Variants in PPP1R12B observed in about 807,000 individuals in gnomAD.
PPP1R12B encodes myosin phosphatase target subunit 2.
A neutral mutation model predicts 126.1 loss-of-function variants in PPP1R12B; 76 were observed. The observed-to-expected ratio is 0.60, with a 90% CI of 0.50 to 0.73. The LOEUF (loss-of-function observed/expected upper bound fraction) is 0.73, where lower values mean the gene tolerates loss of function less well. Among genes scored for constraint, PPP1R12B ranks in the 30% least tolerant of loss-of-function variants. The pLI is 0.00. For synonymous variants in PPP1R12B, 356 were observed against 434.7 expected (o/e 0.82, Z 2.25); for missense variants, 1,052 against 1,205.1 (o/e 0.87, Z 1.88).
chr1:202,510,897 AATATAAT>A (rs1366334087), intron 18 of PPP1R12B, among the ~76,000 whole-genome samples: 1 of 146,794 alleles, frequency 6.8e-6, no homozygotes, highest in African/African-American at 2.5e-5. Context: ...TATTTATACT[AATATAAT>A]ATATAATATA....
At chr1:202,395,051 AG>A in intron 1 of PPP1R12B, among the ~76,000 whole-genome samples, 1 of 132,592 alleles carries the variant, frequency 7.5e-6, no homozygotes, top group African/African-American at 2.8e-5. Context: ...TGGGAGGCAG[AG>A]GTTGTATTGA....
chr1:202,477,816 T>C (rs1358590065), intron 13 of PPP1R12B, among the ~76,000 whole-genome samples: 1 of 152,218 alleles, frequency 6.6e-6, no homozygotes, highest in Non-Finnish European at 1.5e-5. Context: ...ATGCCACTGA[T>C]GGTGTAATCT....
chr1:202,543,278 G>A (rs1685302534), intron 18 of PPP1R12B, among the ~76,000 whole-genome samples: 1 of 152,066 alleles, frequency 6.6e-6, no homozygotes, highest in Non-Finnish European at 1.5e-5. Context: ...ACTCGTAACA[G>A]CAGCTGATGA....
chr1:202,356,611 G>A (rs576112201), intron 1 of PPP1R12B, among the ~76,000 whole-genome samples: 85 of 152,244 alleles, frequency 5.6e-4, no homozygotes, highest in Non-Finnish European at 1.1e-3. Context: ...ATCCATATAA[G>A]ACAGGCAAGA....
Position 202,422,616 on chromosome 1 carries a change from G to C in PPP1R12B, c.423-4G>C. On this transcript the variant is annotated splice_region_variant and splice_polypyrimidine_tract_variant and intron_variant, in intron 2 of 23. Transcript: ENST00000608999. Reference sequence around the variant, plus strand: ...AATATTGATCCTGGATCTTGTCTACGCAGGTATTTCATTAATCACGGAGCC... The same window carrying C: ...AATATTGATCCTGGATCTTGTCTACCCAGGTATTTCATTAATCACGGAGCC... The C allele has an allele frequency of 6.2e-7, 1 of 1,612,088 alleles. No individual in the cohort carries two copies. Among genetic ancestry groups the C allele is most frequent in the Non-Finnish European group, 8.5e-7 (1 of 1,178,352 alleles).
At chr1:202,479,467 T>C (rs1248430535) in intron 13 of PPP1R12B, among the ~76,000 whole-genome samples, 1 of 152,182 alleles carries the variant, frequency 6.6e-6, no homozygotes, top group Non-Finnish European at 1.5e-5. Context: ...CCCCTTGAGG[T>C]ATTTGCTGAT....
chr1:202,572,983 TACTCACTTG>T (rs1191530993), intron 23 of PPP1R12B, among the ~76,000 whole-genome samples: 1 of 152,236 alleles, frequency 6.6e-6, no homozygotes, highest in Non-Finnish European at 1.5e-5. Context: ...GATCTGCTTA[TACTCACTTG>T]TCAGATTGAG....
chr1:202,551,180 T>G (rs1029383007), intron 18 of PPP1R12B, among the ~76,000 whole-genome samples: 7 of 152,240 alleles, frequency 4.6e-5, no homozygotes, highest in African/African-American at 1.2e-4. Context: ...ATCTGGCATA[T>G]GAGATTTTTC....
At chr1:202,440,818 C>T (rs374621061) in intron 11 of PPP1R12B, 30 bp downstream of exon 11, 2 of 1,564,788 alleles carry the variant, frequency 1.3e-6, no homozygotes, top group African/African-American at 1.4e-5. Flanking sequence ...AAAGATGGTC[C>T]TCATCCTCTT....
At chr1:202,550,866 A>T (rs540583777) in intron 18 of PPP1R12B, among the ~76,000 whole-genome samples, 3 of 152,368 alleles carry the variant, frequency 2.0e-5, no homozygotes, top group Admixed American at 2.0e-4. Flanking sequence ...TAGGTATTTT[A>T]TGGAGGCCTT....
chr1:202,481,510 AT>A (rs912877392), intron 13 of PPP1R12B, among the ~76,000 whole-genome samples: 2 of 150,646 alleles, frequency 1.3e-5, no homozygotes, highest in Non-Finnish European at 3.0e-5. Context: ...CACTCTTCTA[AT>A]TTTTTGTTTT....
intron 1 of PPP1R12B, among the ~76,000 whole-genome samples, chr1:202,356,602 TC>T (rs1160017079): frequency 6.6e-6 from 1 of 152,074 alleles, no homozygotes; most frequent in African/African-American, 2.4e-5. Flanking sequence ...ATCACAAGCA[TC>T]CATATAAGAC....
At chr1:202,442,206 A>C (rs1276207391) in intron 11 of PPP1R12B, among the ~76,000 whole-genome samples, 2 of 152,184 alleles carry the variant, frequency 1.3e-5, no homozygotes, top group East Asian at 3.8e-4. Context: ...AGGGTTAGAG[A>C]CCTTTGACAT....
chr1:202,388,329 GCACGCCAC>G (rs996973752), intron 1 of PPP1R12B, among the ~76,000 whole-genome samples: 5 of 152,014 alleles, frequency 3.3e-5, no homozygotes, highest in Non-Finnish European at 7.4e-5. Context: ...GACTGCAGGC[GCACGCCAC>G]CACTAATTTT....
chr1:202,468,511 CATTTTAT>C, intron 13 of PPP1R12B, among the ~76,000 whole-genome samples: 1 of 152,202 alleles, frequency 6.6e-6, no homozygotes, highest in Non-Finnish European at 1.5e-5. Flanking sequence ...CCCCTTGCAA[CATTTTAT>C]TCCTGATACT....
At chr1:202,555,650 C>T (rs755587695) in intron 18 of PPP1R12B, among the ~76,000 whole-genome samples, 10 of 152,086 alleles carry the variant, frequency 6.6e-5, no homozygotes, top group Non-Finnish European at 1.3e-4. Flanking sequence ...GGTCATTTTT[C>T]CATACCTAAG....
chr1:202,580,730 C>T lies in PPP1R12B; in HGVS notation c.*170C>T, dbSNP rs1220903627. The T allele has an allele frequency of 8.5e-6, 5 of 589,340 alleles. No individual in the cohort carries two copies. Among genetic ancestry groups the T allele is most frequent in the African/African-American group, 1.9e-5 (1 of 53,560 alleles). The allele number at this position is 589,340 out of a possible 1,614,324, so 36.5% of individuals were successfully genotyped here. On this transcript the variant is annotated 3_prime_UTR_variant, in exon 24 of 24. Transcript: ENST00000608999. ...ACACTCTACATTTTCTCTGCACTTTCAATGCCCTGTTCTTCCAAACCCCTA... is the reference window on the plus strand; with the variant it reads ...ACACTCTACATTTTCTCTGCACTTTTAATGCCCTGTTCTTCCAAACCCCTA...
At chr1:202,492,832 C>T (rs1333134244) in intron 14 of PPP1R12B, among the ~76,000 whole-genome samples, 2 of 152,046 alleles carry the variant, frequency 1.3e-5, no homozygotes, top group Non-Finnish European at 2.9e-5. Flanking sequence ...GGAAAAAGTA[C>T]ATCTATAACA....
At chr1:202,439,015 C>T in intron 10 of PPP1R12B, 1 of 1,389,300 alleles carries the variant, frequency 7.2e-7, no homozygotes, top group Non-Finnish European at 1.0e-6. Flanking sequence ...AGGAGTGCGG[C>T]AGTGCCCACT....
Sources: allele counts gnomAD v4.1 joint callset (sites outside exome capture counted in the v4.1 genomes callset), GRCh38; gene constraint gnomAD v4.1.1; transcripts MANE v1.5; gene names NCBI Gene and HGNC (gene_info 2026-07-23, HGNC 2026-07-21).